The following NELL1 variants were observed in gnomAD, a reference collection of about 807,000 sequenced individuals.
NELL1 encodes the protein neural EGFL like 1.
NELL1 carries 76 observed loss-of-function variants against 107.4 expected under a neutral mutation model. The ratio of observed to expected loss-of-function variants is 0.71; its 90% CI spans 0.59 to 0.86. NELL1 has a LOEUF of 0.86. Among genes scored for constraint, NELL1 ranks in the 40% least tolerant of loss-of-function variants. The pLI is 0.00. For synonymous variants in NELL1, 353 were observed against 341.2 expected (o/e 1.03, Z -0.38); for missense variants, 1,024 against 1,005.5 (o/e 1.02, Z -0.25).
chr11:20,850,181 A>G (rs902633369), intron 4 of NELL1, among the ~76,000 whole-genome samples: 2 of 152,348 alleles, frequency 1.3e-5, no homozygotes, highest in Middle Eastern at 3.4e-3. Context: ...TCCCAGCCAG[A>G]ACTTGCCAAC....
chr11:20,816,330 A>G (rs1366299942), intron 3 of NELL1, among the ~76,000 whole-genome samples: 1 of 152,158 alleles, frequency 6.6e-6, no homozygotes, highest in East Asian at 1.9e-4. Context: ...TTCTTTTAAC[A>G]GTGTTTTATA....
chr11:21,170,448 T>G (rs773194746), intron 13 of NELL1, among the ~76,000 whole-genome samples: 11 of 151,756 alleles, frequency 7.2e-5, no homozygotes, highest in Non-Finnish European at 1.2e-4. Context: ...CTGATCCACT[T>G]TATGTATCCC....
chr11:21,386,337 A>G (rs1851744730), intron 15 of NELL1, among the ~76,000 whole-genome samples: 1 of 151,856 alleles, frequency 6.6e-6, no homozygotes, highest in South Asian at 2.1e-4. Flanking sequence ...AAATGAGGAC[A>G]TGTTGGATTT....
At chr11:20,867,294 T>G (rs1008795660) in intron 4 of NELL1, among the ~76,000 whole-genome samples, 15 of 152,138 alleles carry the variant, frequency 9.9e-5, no homozygotes, top group Admixed American at 3.9e-4. Flanking sequence ...AGTTTTCTCA[T>G]TAAAAAAAAG....
chr11:21,011,684 G>A (rs1415967179), intron 12 of NELL1, among the ~76,000 whole-genome samples: 2 of 152,092 alleles, frequency 1.3e-5, no homozygotes. Flanking sequence ...GAGATCTTAG[G>A]TTTCCATCTT....
At chr11:21,458,709 A>C (rs548758793) in intron 15 of NELL1, among the ~76,000 whole-genome samples, 5 of 152,170 alleles carry the variant, frequency 3.3e-5, no homozygotes, top group Admixed American at 1.3e-4. Context: ...ACATTAGAAA[A>C]CTGAGCAATG....
chr11:20,887,390 T>C (rs1296631705), intron 5 of NELL1, among the ~76,000 whole-genome samples: 1 of 152,196 alleles, frequency 6.6e-6, no homozygotes, highest in Non-Finnish European at 1.5e-5. Context: ...GTATATTAAG[T>C]GTATGTTTAA....
At chr11:20,675,059 C>T (rs779291176) in intron 1 of NELL1, among the ~76,000 whole-genome samples, 1 of 152,152 alleles carries the variant, frequency 6.6e-6, no homozygotes, top group African/African-American at 2.4e-5. Flanking sequence ...GTAGGCTGCC[C>T]GCTCCACATG....
chr11:20,746,562 G>A (rs1014732969), intron 2 of NELL1, among the ~76,000 whole-genome samples: 2 of 117,964 alleles, frequency 1.7e-5, no homozygotes, highest in Non-Finnish European at 3.7e-5. Flanking sequence ...AATTGTGACA[G>A]ATTTCACACA....
chr11:20,817,347 C>T (rs756536495), intron 3 of NELL1, among the ~76,000 whole-genome samples: 20 of 152,044 alleles, frequency 1.3e-4, no homozygotes, highest in Non-Finnish European at 2.2e-4. Context: ...ATTTCAATTT[C>T]TTCCTAATTC....
intron 14 of NELL1, among the ~76,000 whole-genome samples, chr11:21,288,225 C>G (rs181623056): frequency 4.6e-5 from 7 of 152,228 alleles, no homozygotes; most frequent in Admixed American, 3.3e-4. Flanking sequence ...TTGCAAAATG[C>G]TCTTGTCTGA....
chr11:21,251,694 G>A (rs948419095), intron 14 of NELL1, among the ~76,000 whole-genome samples: 9 of 151,992 alleles, frequency 5.9e-5, no homozygotes, highest in African/African-American at 2.2e-4. Context: ...GCAAATCCAG[G>A]GTCCAAGGGA....
chr11:21,503,426 T>A (rs553920659), intron 15 of NELL1, among the ~76,000 whole-genome samples: 2 of 152,204 alleles, frequency 1.3e-5, no homozygotes, highest in Non-Finnish European at 2.9e-5. Context: ...GTGTTTCTCA[T>A]TAAATAAAAG....
At chr11:20,716,909 C>A (rs1325017415) in intron 2 of NELL1, among the ~76,000 whole-genome samples, 2 of 145,690 alleles carry the variant, frequency 1.4e-5, no homozygotes, top group East Asian at 3.9e-4. Flanking sequence ...ATCTAAATGG[C>A]ATAATACAAA....
At chr11:20,966,777 G>A (rs920062972) in intron 12 of NELL1, among the ~76,000 whole-genome samples, 10 of 152,158 alleles carry the variant, frequency 6.6e-5, no homozygotes, top group African/African-American at 2.4e-4. Context: ...TAGCCAAAGT[G>A]CATCTATTCC....
chr11:21,478,879 A>G (rs1854418505), intron 15 of NELL1, among the ~76,000 whole-genome samples: 1 of 151,894 alleles, frequency 6.6e-6, no homozygotes, highest in Non-Finnish European at 1.5e-5. Flanking sequence ...AAAATGGCCA[A>G]AAGATCTGAA....
At chr11:21,153,714 G>C (rs1253302692) in intron 13 of NELL1, among the ~76,000 whole-genome samples, 2 of 152,152 alleles carry the variant, frequency 1.3e-5, no homozygotes, top group Non-Finnish European at 2.9e-5. Flanking sequence ...TAAGAAGTCA[G>C]TGAGGTAGAT....
chr11:21,451,964 A>C (rs1328435339), intron 15 of NELL1, among the ~76,000 whole-genome samples: 1 of 152,182 alleles, frequency 6.6e-6, no homozygotes, highest in East Asian at 1.9e-4. Flanking sequence ...TGTGTGTTTA[A>C]GAAATAAGGC....
At chr11:21,485,657 G>A (rs4278509) in intron 15 of NELL1, among the ~76,000 whole-genome samples, 126,797 of 151,140 alleles carry the variant, frequency 0.84, 53,451 homozygotes, top group East Asian at 0.97. Flanking sequence ...GAGTGGCCCC[G>A]CCCTCCCTGG....
Sources: gnomAD v4.1 joint callset for allele counts (sites outside exome capture counted in the v4.1 genomes callset) on GRCh38, gnomAD v4.1.1 for gene constraint, MANE v1.5 for transcripts, NCBI Gene and HGNC (gene_info 2026-07-23, HGNC 2026-07-21) for gene names.